The following GRID2 variants were observed in gnomAD, a reference collection of about 807,000 sequenced individuals.
The protein encoded by GRID2 is glutamate receptor ionotropic, delta-2.
GRID2 carries 33 observed loss-of-function variants against 114.8 expected under a neutral mutation model. That is an observed-to-expected ratio of 0.29 (90% CI 0.22 to 0.38). The LOEUF (loss-of-function observed/expected upper bound fraction) is 0.38, where lower values mean the gene tolerates loss of function less well. Among genes scored for constraint, GRID2 ranks in the 10% least tolerant of loss-of-function variants. The pLI, the probability that GRID2 is intolerant of heterozygous loss-of-function variation, is 1.00. For synonymous variants in GRID2, 505 were observed against 449.9 expected (o/e 1.12, Z -1.55); for missense variants, 1,184 against 1,257.7 (o/e 0.94, Z 0.89).
chr4:92,772,740 A>G (rs932985326), intron 2 of GRID2, among the ~76,000 whole-genome samples: 1 of 152,162 alleles, frequency 6.6e-6, no homozygotes, highest in African/African-American at 2.4e-5. Context: ...CCATTTTCCC[A>G]CATTTTGCCT....
chr4:93,311,119 C>T (rs1433647), intron 8 of GRID2, among the ~76,000 whole-genome samples: 78,296 of 151,908 alleles, frequency 0.52, 21,940 homozygotes, highest in Admixed American at 0.67. Flanking sequence ...AATTCCTGTA[C>T]GGCTGCTCCC....
chr4:92,958,669 T>C (rs1232413971), intron 2 of GRID2, among the ~76,000 whole-genome samples: 1 of 152,086 alleles, frequency 6.6e-6, no homozygotes, highest in Non-Finnish European at 1.5e-5. Context: ...AGTATTCAGG[T>C]AATGCTGACT....
intron 2 of GRID2, among the ~76,000 whole-genome samples, chr4:92,898,232 C>T (rs908375552): frequency 3.9e-5 from 6 of 152,174 alleles, no homozygotes; most frequent in East Asian, 3.9e-4. Flanking sequence ...CTTTCTTCCC[C>T]GTACCCAGCA....
intron 2 of GRID2, among the ~76,000 whole-genome samples, chr4:92,594,688 C>G (rs1456719781): frequency 2.6e-5 from 4 of 151,926 alleles, no homozygotes; most frequent in Middle Eastern, 6.3e-3. Flanking sequence ...TGTGCTGATT[C>G]CCTTAACCTG....
intron 2 of GRID2, among the ~76,000 whole-genome samples, chr4:92,998,669 C>T (rs1755350637): frequency 6.6e-6 from 1 of 151,122 alleles, no homozygotes; most frequent in South Asian, 2.1e-4. Context: ...GGAAGAGGGT[C>T]CATAGCTCTT....
chr4:93,488,714 G>T (rs1322970507), intron 11 of GRID2, among the ~76,000 whole-genome samples: 1 of 151,920 alleles, frequency 6.6e-6, no homozygotes, highest in Non-Finnish European at 1.5e-5. Flanking sequence ...AGGTCTAGAG[G>T]CTGGAAGTCC....
chr4:93,075,248 A>C (rs1052149624), intron 2 of GRID2, among the ~76,000 whole-genome samples: 1 of 152,218 alleles, frequency 6.6e-6, no homozygotes, highest in Non-Finnish European at 1.5e-5. Flanking sequence ...AATAAAATCT[A>C]ACATCCATTC....
intron 2 of GRID2, among the ~76,000 whole-genome samples, chr4:92,908,759 C>T (rs1051279113): frequency 1.2e-4 from 19 of 152,130 alleles, no homozygotes; most frequent in Admixed American, 1.2e-3. Context: ...TCTGTCAAAA[C>T]CTGTAATATT....
chr4:93,202,029 A>C (rs951589389), intron 4 of GRID2, among the ~76,000 whole-genome samples: 1 of 152,058 alleles, frequency 6.6e-6, no homozygotes, highest in African/African-American at 2.4e-5. Context: ...AGTGGCATCA[A>C]CTCTATATGA....
intron 1 of GRID2, among the ~76,000 whole-genome samples, chr4:92,403,691 CAA>C: frequency 8.5e-6 from 1 of 117,674 alleles, no homozygotes; most frequent in African/African-American, 3.3e-5. Context: ...GACTCCATCT[CAA>C]AAATAAATAA....
chr4:92,650,934 T>TAA lies in GRID2; in HGVS notation c.244+60652_244+60653dup, dbSNP rs1731897450. 2.0e-5 allele frequency among the ~76,000 whole-genome samples: 3 copies of TAA among 152,106 alleles called. No individual in the cohort carries two copies. The South Asian group carries it at 6.2e-4, about 32-fold the overall frequency. On this transcript the variant is annotated intron_variant, in intron 2 of 15. Coordinates refer to ENST00000282020, the MANE Select transcript of GRID2 (RefSeq NM_001510.4). ...CTTGCTGGAATTGGAACTTGAGTCT[T>TAA]AAAAAGGTCATTTCACTGTTCTGTC... is the stretch of plus-strand genomic sequence containing the variant.
intron 2 of GRID2, among the ~76,000 whole-genome samples, chr4:92,675,826 T>C (rs1733326534): frequency 6.6e-6 from 1 of 151,934 alleles, no homozygotes; most frequent in Non-Finnish European, 1.5e-5. Context: ...AGTGCTGGGA[T>C]TACAGGCGTG....
intron 1 of GRID2, among the ~76,000 whole-genome samples, chr4:92,493,583 T>C (rs1430585769): frequency 6.6e-6 from 1 of 152,164 alleles, no homozygotes; most frequent in Non-Finnish European, 1.5e-5. Flanking sequence ...ATCACTCACA[T>C]TTCTATCCCA....
At chr4:93,052,763 T>C (rs527897924) in intron 2 of GRID2, among the ~76,000 whole-genome samples, 3 of 151,920 alleles carry the variant, frequency 2.0e-5, no homozygotes, top group Admixed American at 6.6e-5. Context: ...AAAAGTTTAC[T>C]CTTCTCCTTG....
intron 14 of GRID2, among the ~76,000 whole-genome samples, chr4:93,646,635 G>A (rs988347288): frequency 2.0e-5 from 3 of 152,116 alleles, no homozygotes; most frequent in African/African-American, 7.2e-5. Context: ...AGGAGAGAGT[G>A]CAGCAGAGGC....
chr4:92,752,667 A>G (rs1737509852), intron 2 of GRID2, among the ~76,000 whole-genome samples: 1 of 152,178 alleles, frequency 6.6e-6, no homozygotes, highest in Non-Finnish European at 1.5e-5. Context: ...TCGTAATATG[A>G]TACAGACTAG....
chr4:92,580,814 A>C (rs565577878), intron 1 of GRID2, among the ~76,000 whole-genome samples: 1 of 152,046 alleles, frequency 6.6e-6, no homozygotes, highest in East Asian at 1.9e-4. Context: ...AAATCTGTTC[A>C]ATTTCTAAAA....
At chr4:93,300,751 G>A (rs1416708619) in intron 8 of GRID2, among the ~76,000 whole-genome samples, 1 of 152,174 alleles carries the variant, frequency 6.6e-6, no homozygotes, top group East Asian at 1.9e-4. Context: ...GCAAGCTACT[G>A]CCTTAAAATC....
chr4:92,787,384 A>C (rs1739367278), intron 2 of GRID2, among the ~76,000 whole-genome samples: 1 of 151,892 alleles, frequency 6.6e-6, no homozygotes, highest in Admixed American at 6.6e-5. Flanking sequence ...GAGGTGAGGA[A>C]TTTTAAATGA....
Sources: allele counts gnomAD v4.1 joint callset (sites outside exome capture counted in the v4.1 genomes callset), GRCh38; gene constraint gnomAD v4.1.1; transcripts MANE v1.5; gene names NCBI Gene and HGNC (gene_info 2026-07-23, HGNC 2026-07-21).